ANK2: variants seen among roughly 807,000 people sequenced by gnomAD.
ANK2 encodes the protein ankyrin 2.
Under a neutral mutation model 360.5 loss-of-function variants are expected in ANK2, and 83 were observed. That is an observed-to-expected ratio of 0.23 (90% CI 0.19 to 0.28). ANK2 has a LOEUF of 0.28. Ranked by LOEUF, ANK2 falls within the 10% of genes least tolerant of loss-of-function variation. The pLI, the probability that ANK2 is intolerant of heterozygous loss-of-function variation, is 1.00. For missense variants in ANK2, 4,201 were observed against 4,795.7 expected, an observed-to-expected ratio of 0.88 and a Z score of 3.66; for synonymous variants, 1,740 against 1,759.5, an observed-to-expected ratio of 0.99 and a Z score of 0.28.
intron 1 of ANK2, among the ~76,000 whole-genome samples, chr4:113,159,600 T>C (rs1361299735): frequency 6.6e-6 from 1 of 151,908 alleles, no homozygotes; most frequent in Non-Finnish European, 1.5e-5. Flanking sequence ...TAGTTTCTTA[T>C]TTCTTTATTT....
At chr4:113,292,995 T>G (rs1197534472) in intron 21 of ANK2, 2 of 355,954 alleles carry the variant, frequency 5.6e-6, no homozygotes, top group Non-Finnish European at 1.1e-5. Flanking sequence ...TGCTGCACAG[T>G]GAGCTTCTGC....
intron 1 of ANK2, among the ~76,000 whole-genome samples, chr4:112,883,492 C>A (rs1253388952): frequency 1.3e-5 from 2 of 152,022 alleles, no homozygotes; most frequent in African/African-American, 4.8e-5. Context: ...AAAAGTTATT[C>A]TTTCTATGAA....
intron 2 of ANK2, among the ~76,000 whole-genome samples, chr4:113,024,599 G>A (rs1393312261): frequency 6.6e-6 from 1 of 152,164 alleles, no homozygotes; most frequent in Admixed American, 6.5e-5. Flanking sequence ...CAGGATAATT[G>A]CAAAGTACTT....
At chr4:113,324,570 A>G (rs1041335825) in intron 26 of ANK2, among the ~76,000 whole-genome samples, 2 of 152,208 alleles carry the variant, frequency 1.3e-5, no homozygotes, top group African/African-American at 2.4e-5. Flanking sequence ...ACGTGAACAC[A>G]GTGGTTGATA....
chr4:112,957,589 G>A (rs1294365664), intron 2 of ANK2, among the ~76,000 whole-genome samples: 2 of 151,704 alleles, frequency 1.3e-5, no homozygotes, highest in African/African-American at 2.4e-5. Context: ...CAGTAGGGGC[G>A]GCCGGGCAGA....
intron 1 of ANK2, among the ~76,000 whole-genome samples, chr4:113,167,332 G>A (rs1217708231): frequency 2.1e-5 from 3 of 146,320 alleles, no homozygotes; most frequent in African/African-American, 2.5e-5. Flanking sequence ...ACAGAGTTTC[G>A]CTCTTGTTGC....
intron 2 of ANK2, among the ~76,000 whole-genome samples, chr4:112,906,790 TGAGA>T (rs147898965): frequency 6.6e-6 from 1 of 150,732 alleles, no homozygotes; most frequent in African/African-American, 2.4e-5. Context: ...TTGTGGAGAA[TGAGA>T]GAGAGAGAGA....
chr4:112,950,032 T>C (rs911572886), intron 2 of ANK2, among the ~76,000 whole-genome samples: 18 of 152,224 alleles, frequency 1.2e-4, no homozygotes, highest in Non-Finnish European at 2.9e-5. Context: ...AATAATTCAC[T>C]TTTTTGGTCT....
chr4:112,901,020 T>C (rs751130654), intron 1 of ANK2, among the ~76,000 whole-genome samples: 1 of 152,214 alleles, frequency 6.6e-6, no homozygotes, highest in Non-Finnish European at 1.5e-5. Context: ...ATAATGTATG[T>C]AGTCAATATA....
intron 2 of ANK2, among the ~76,000 whole-genome samples, chr4:112,944,421 T>C (rs528446410): frequency 6.6e-6 from 1 of 152,338 alleles, no homozygotes; most frequent in African/African-American, 2.4e-5. Context: ...TTTAAAAATG[T>C]AAACAGCTTA....
the ANK2 span, among the ~76,000 whole-genome samples, chr4:112,749,006 T>A: frequency 1.3e-5 from 2 of 152,208 alleles, no homozygotes. Context: ...TTCAAGCCAT[T>A]CTCGGGCCTC....
chr4:112,738,121 G>A, the ANK2 span, among the ~76,000 whole-genome samples: 2 of 152,136 alleles, frequency 1.3e-5, no homozygotes, highest in Non-Finnish European at 2.9e-5. Context: ...AATTGAATAA[G>A]ACATGAGGCC....
chr4:112,953,435 G>A (rs980166605), intron 2 of ANK2, among the ~76,000 whole-genome samples: 5 of 152,262 alleles, frequency 3.3e-5, no homozygotes, highest in Non-Finnish European at 7.3e-5. Context: ...GACATTCGAA[G>A]TAGGGAGATG....
chr4:112,779,510 C>T, the ANK2 span, among the ~76,000 whole-genome samples: 2 of 151,666 alleles, frequency 1.3e-5, no homozygotes, highest in African/African-American at 4.8e-5. Context: ...CAGAGCGGGA[C>T]TCGGTCTCTA....
intron 4 of ANK2, chr4:113,214,450 ATTAT>A: frequency 1.3e-6 from 1 of 741,764 alleles, no homozygotes; most frequent in Non-Finnish European, 2.3e-6. Context: ...AGAAGTTATG[ATTAT>A]TTAAATAAAC....
chr4:112,947,345 A>G (rs2094609390), intron 2 of ANK2, among the ~76,000 whole-genome samples: 1 of 152,190 alleles, frequency 6.6e-6, no homozygotes, highest in South Asian at 2.1e-4. Flanking sequence ...GAGTTATGCT[A>G]CAAAATGACT....
At chr4:112,836,013 A>C (rs754497759) in intron 1 of ANK2, among the ~76,000 whole-genome samples, 2 of 152,036 alleles carry the variant, frequency 1.3e-5, no homozygotes, top group Non-Finnish European at 2.9e-5. Flanking sequence ...ATGGAGACTT[A>C]TCTGGAATTG....
intron 1 of ANK2, among the ~76,000 whole-genome samples, chr4:113,050,242 G>A (rs1223003660): frequency 1.3e-5 from 2 of 152,130 alleles, no homozygotes; most frequent in African/African-American, 4.8e-5. Flanking sequence ...TGGCTAGACA[G>A]CAAAAGCCTT....
At chr4:113,343,232 A>G (rs2094481460) in intron 34 of ANK2, 90 bp downstream of exon 34, 4 of 1,381,218 alleles carry the variant, frequency 2.9e-6, no homozygotes, top group Non-Finnish European at 4.0e-6. Flanking sequence ...TTCGCTTTTC[A>G]GTCATCTTCA....
Sources: gnomAD v4.1 joint callset for allele counts (sites outside exome capture counted in the v4.1 genomes callset) on GRCh38, gnomAD v4.1.1 for gene constraint, MANE v1.5 for transcripts, NCBI Gene and HGNC (gene_info 2026-07-23, HGNC 2026-07-21) for gene names.